Variants in DDRGK1 observed in about 807,000 individuals in gnomAD.
DDRGK1 encodes the protein DDRGK domain containing 1.
Under a neutral mutation model 45.8 loss-of-function variants are expected in DDRGK1, and 38 were observed. The ratio of observed to expected loss-of-function variants is 0.83; its 90% CI spans 0.64 to 1.09. The LOEUF (loss-of-function observed/expected upper bound fraction) is 1.09. Among genes scored for constraint, DDRGK1 ranks in the 50% least tolerant of loss-of-function variants. The pLI, the probability that DDRGK1 is intolerant of heterozygous loss-of-function variation, is 0.00. For missense variants in DDRGK1, 403 were observed against 419.9 expected (o/e 0.96, Z 0.35); for synonymous variants, 171 against 168.7 (o/e 1.01, Z -0.11).
chr20:3,202,726 CT>C (rs2067045334), intron 2 of DDRGK1, among the ~76,000 whole-genome samples: 1 of 152,192 alleles, frequency 6.6e-6, no homozygotes, highest in African/African-American at 2.4e-5. Context: ...CTCAAGCCAG[CT>C]GCCAAGTACT....
chr20:3,194,728 G>A, intron 6 of DDRGK1, 102 bp downstream of exon 6: 4 of 1,492,418 alleles, frequency 2.7e-6, no homozygotes, highest in South Asian at 2.3e-5. Flanking sequence ...GTCCACTCCT[G>A]CATGAGCCTG....
intron 3 of DDRGK1, 26 bp from the exon 4 acceptor site, chr20:3,200,128 C>G (rs1420491067): frequency 6.2e-7 from 1 of 1,607,518 alleles, no homozygotes; most frequent in African/African-American, 1.3e-5. Flanking sequence ...CATAGGGGCA[C>G]ATCCCTCACC....
chr20:3,202,273 T>C (rs2122241948), intron 2 of DDRGK1, among the ~76,000 whole-genome samples: 1 of 152,302 alleles, frequency 6.6e-6, no homozygotes, highest in East Asian at 1.9e-4. Context: ...TTTTTTACCT[T>C]TCTGAATGCT....
rs745330899 is a variant in DDRGK1 at position 3,200,407 on chromosome 20, C to T, written c.343G>A (p.Gly115Arg). 2 of 1,584,930 alleles carry T rather than the reference C, an allele frequency of 1.3e-6. No individual in the cohort carries two copies. The highest frequency in any genetic ancestry group is 2.3e-5 in the East Asian group (1 of 43,710). ...VEKPAETHLSGKIGAKKLRKL... is the reference protein window; with the variant it reads ...VEKPAETHLSRKIGAKKLRKL... ...CGCAGTTTCTTAGCTCCAATTTTCC[C>T]CGACAGGTGAGTTTCCGCTGGCTTC... Residue 115 changes from glycine to arginine, a missense_variant, in exon 3 of 9, where the codon GGG becomes AGG. Coordinates refer to ENST00000354488, the MANE Select transcript of DDRGK1 (RefSeq NM_023935.3).
Position 3,190,469 on chromosome 20 carries a change from C to T in DDRGK1, c.*184G>A, listed in dbSNP as rs976822217. ...TATTCTGAAGCCTAAATTTCACCTG[C>T]TTATCTAGGATCCTAGGCCAGGCCT... is the stretch of plus-strand genomic sequence containing the variant. On this transcript the variant is annotated 3_prime_UTR_variant, in exon 9 of 9. Coordinates refer to ENST00000354488, the MANE Select transcript of DDRGK1 (RefSeq NM_023935.3). The T allele has an allele frequency of 3.4e-5, 24 of 709,418 alleles. No individual in the cohort carries two copies. Among genetic ancestry groups the T allele is most frequent in the Non-Finnish European group, 5.3e-5 (23 of 437,418 alleles). The allele number at this position is 709,418 out of a possible 1,614,324, so 43.9% of individuals were successfully genotyped here.
intron 6 of DDRGK1, among the ~76,000 whole-genome samples, chr20:3,192,569 C>G (rs2066994134): frequency 6.6e-6 from 1 of 152,216 alleles, no homozygotes; most frequent in African/African-American, 2.4e-5. Flanking sequence ...TGAGCCCACC[C>G]TTGAAATCAC....
intron 1 of DDRGK1, among the ~76,000 whole-genome samples, chr20:3,203,800 G>A (rs1336784084): frequency 1.3e-5 from 2 of 152,332 alleles, no homozygotes; most frequent in East Asian, 3.9e-4. Flanking sequence ...CTTCCCGGCG[G>A]TGGCCGAGCC....
intron 4 of DDRGK1, among the ~76,000 whole-genome samples, chr20:3,198,301 G>A (rs1188266771): frequency 6.6e-6 from 1 of 150,548 alleles, no homozygotes; most frequent in Non-Finnish European, 1.5e-5. Flanking sequence ...CTACTCGGGA[G>A]AATGAGGCAG....
At chr20:3,201,904 C>T (rs1200260299) in intron 2 of DDRGK1, among the ~76,000 whole-genome samples, 1 of 152,048 alleles carries the variant, frequency 6.6e-6, no homozygotes, top group African/African-American at 2.4e-5. Flanking sequence ...CCTCGTGATC[C>T]ACCCGCCTCG....
At chr20:3,190,914 C>T in intron 8 of DDRGK1, 95 bp from the exon 9 acceptor site, 1 of 1,480,494 alleles carries the variant, frequency 6.8e-7, no homozygotes. Context: ...TGGCTCAGGG[C>T]CCTTCCGGCC....
chr20:3,192,708 C>G (rs1316554984), intron 6 of DDRGK1, among the ~76,000 whole-genome samples: 2 of 152,240 alleles, frequency 1.3e-5, no homozygotes, highest in East Asian at 3.8e-4. Context: ...TCCACACAGG[C>G]ACCTGCCCCC....
At chr20:3,191,464 G>A (rs2066989051) in intron 7 of DDRGK1, 2 of 660,068 alleles carry the variant, frequency 3.0e-6, no homozygotes, top group Non-Finnish European at 5.4e-6. Context: ...GCGGGGCAGT[G>A]ATGTTTGCAA....
chr20:3,201,153 G>A (rs1249532377), intron 2 of DDRGK1, among the ~76,000 whole-genome samples: 9 of 151,488 alleles, frequency 5.9e-5, no homozygotes, highest in African/African-American at 9.7e-5. Flanking sequence ...GCATGGTGGC[G>A]GGTGCCTGTA....
intron 6 of DDRGK1, 30 bp from the exon 7 acceptor site, chr20:3,191,851 G>A: frequency 6.3e-7 from 1 of 1,588,276 alleles, no homozygotes; most frequent in East Asian, 2.3e-5. Flanking sequence ...AAGAAAGAGA[G>A]GCTGAGCTTG....
chr20:3,200,269 G>A lies in DDRGK1; in HGVS notation c.408+73C>T. 6 of 1,494,362 alleles carry A rather than the reference G, an allele frequency of 4.0e-6. No individual in the cohort carries two copies. The South Asian group carries it at 7.4e-5, about 18-fold the overall frequency. The allele number at this position is 1,494,362 out of a possible 1,614,324, so 92.6% of individuals were successfully genotyped here. On this transcript the variant is annotated intron_variant, in intron 3 of 8. Coordinates refer to ENST00000354488, the MANE Select transcript of DDRGK1 (RefSeq NM_023935.3). ...CAGCCCAGCAGGCAACAAGCCCTCA[G>A]TCTGCCTTAGGGAAAAAGGAAGGCA...
At chr20:3,201,448 C>T (rs866192714) in intron 2 of DDRGK1, among the ~76,000 whole-genome samples, 7 of 148,044 alleles carry the variant, frequency 4.7e-5, no homozygotes, top group Non-Finnish European at 8.9e-5. Flanking sequence ...CACTGCACTC[C>T]AGCCTGAGTG....
chr20:3,202,859 G>C (rs1000978016), intron 2 of DDRGK1, among the ~76,000 whole-genome samples: 5 of 152,192 alleles, frequency 3.3e-5, no homozygotes, highest in African/African-American at 1.2e-4. Flanking sequence ...CCCCACTCCA[G>C]GAACTGCAGA....
At chr20:3,198,291 C>A (rs1005381308) in intron 4 of DDRGK1, among the ~76,000 whole-genome samples, 4 of 150,764 alleles carry the variant, frequency 2.7e-5, no homozygotes, top group African/African-American at 9.8e-5. Flanking sequence ...GTAGTCCCAC[C>A]TACTCGGGAG....
intron 7 of DDRGK1, 50 bp from the exon 8 acceptor site, chr20:3,191,288 A>G: frequency 6.3e-7 from 1 of 1,597,426 alleles, no homozygotes; most frequent in Non-Finnish European, 8.6e-7. Flanking sequence ...ATGTCCCCAG[A>G]AAAAGCACTG....
Sources: gnomAD v4.1 joint callset for allele counts (sites outside exome capture counted in the v4.1 genomes callset) on GRCh38, gnomAD v4.1.1 for gene constraint, MANE v1.5 for transcripts, NCBI Gene and HGNC (gene_info 2026-07-23, HGNC 2026-07-21) for gene names.